The following IL2RA variants were observed in gnomAD, a reference collection of about 807,000 sequenced individuals.
IL2RA encodes the protein interleukin-2 receptor subunit alpha.
IL2RA carries 24 observed loss-of-function variants against 37.8 expected under a neutral mutation model. The observed-to-expected ratio is 0.63, with a 90% CI of 0.46 to 0.89. The LOEUF (loss-of-function observed/expected upper bound fraction) is 0.89. IL2RA is among the 40% of genes least tolerant of loss of function. The pLI is 0.00. For missense variants in IL2RA, 319 were observed against 348.6 expected (o/e 0.92, Z 0.68); for synonymous variants, 125 against 114.6 (o/e 1.09, Z -0.58).
Position 6,047,540 on chromosome 10 carries a change from C to T in IL2RA, c.64+14548G>A, listed in dbSNP as rs1387294452. On this transcript the variant is annotated intron_variant, in intron 1 of 7. Transcript: ENST00000379959. This position sits in a 1 kb window ranked among gnomAD's most constrained non-coding sequence, Gnocchi z 5.0. ...TGCCGAACACACAGGAGAGCTCACA[C>T]GCACAAATGTTCTCGGCTTCCCAGA... Among the ~76,000 whole-genome samples, 2 of 152,196 alleles carry T rather than the reference C, an allele frequency of 1.3e-5. No homozygotes were observed. Among genetic ancestry groups the T allele is most frequent in the South Asian group, 2.1e-4 (1 of 4,828 alleles).
At chr10:6,061,187 A>C (rs1161683040) in intron 1 of IL2RA, among the ~76,000 whole-genome samples, 1 of 152,146 alleles carries the variant, frequency 6.6e-6, no homozygotes, top group Admixed American at 6.6e-5. Flanking sequence ...CCAGGAGTTC[A>C]AGACCAGCTT....
At position 6,054,651 on chromosome 10, in the gene IL2RA, A is replaced by G. The variant is rs1425518679; in HGVS notation, c.64+7437T>C. 2.0e-5 allele frequency among the ~76,000 whole-genome samples: 3 copies of G among 151,822 alleles called. No individual in the cohort carries two copies. The highest frequency in any genetic ancestry group is 2.1e-4 in the South Asian group (1 of 4,796). On this transcript the variant is annotated intron_variant, in intron 1 of 7. Coordinates refer to ENST00000379959, the MANE Select transcript of IL2RA (RefSeq NM_000417.3). This position sits in a 1 kb window ranked among gnomAD's most constrained non-coding sequence, Gnocchi z 4.5. ...TCATGGAACACGGTCCATGTACACG[A>G]CTCCAGCAGCATCACTAGAAAACAC... is the stretch of plus-strand genomic sequence containing the variant.
intron 1 of IL2RA, among the ~76,000 whole-genome samples, chr10:6,032,972 G>T (rs895904823): frequency 6.6e-6 from 1 of 152,144 alleles, no homozygotes; most frequent in Admixed American, 6.5e-5. Flanking sequence ...GGGAAATGGA[G>T]GAAATGGATA....
intron 1 of IL2RA, among the ~76,000 whole-genome samples, chr10:6,031,742 G>T (rs1171861729): frequency 6.6e-6 from 1 of 151,604 alleles, no homozygotes; most frequent in Non-Finnish European, 1.5e-5. Flanking sequence ...TATCTTTATA[G>T]ATTGTAACAT....
chr10:6,013,982 C>T (rs1839235313), intron 7 of IL2RA, among the ~76,000 whole-genome samples: 1 of 151,960 alleles, frequency 6.6e-6, no homozygotes, highest in African/African-American at 2.4e-5. Flanking sequence ...CAGGTATGTG[C>T]CACCTCGCCT....
At position 6,011,513 on chromosome 10, in the gene IL2RA, A is replaced by T. The variant is rs1437627148; in HGVS notation, c.*1359T>A. Reference sequence around the variant, plus strand: ...TGATTCTAATATGCTGAACTTTTTGATAATGTTCAAGGACTGCTGGTATGC... The same window carrying T: ...TGATTCTAATATGCTGAACTTTTTGTTAATGTTCAAGGACTGCTGGTATGC... On this transcript the variant is annotated 3_prime_UTR_variant, in exon 8 of 8. Transcript: ENST00000379959. The surrounding 1 kb of genome is among the most constrained non-coding windows in gnomAD (Gnocchi z 5.2). 1.3e-5 allele frequency: 2 copies of T among 152,188 alleles called. No individual in the cohort carries two copies. The highest frequency in any genetic ancestry group is 1.3e-4 in the Admixed American group (2 of 15,274). The allele number at this position is 152,188 out of a possible 1,614,324, so 9.4% of individuals were successfully genotyped here. A position where few individuals can be genotyped will look rare whatever the true frequency, so the allele number is the denominator to read the frequency against.
rs1030806208 is a variant in IL2RA, at chr10:6,020,379, C to T, written c.584-438G>A. Among the ~76,000 whole-genome samples, 10 of 152,164 alleles carry T rather than the reference C, an allele frequency of 6.6e-5. No homozygotes were observed. The highest frequency in any genetic ancestry group is 1.5e-4 in the Non-Finnish European group (10 of 68,014). Reference sequence around the variant, plus strand: ...ACCCTGGCTCTGCCCTGCCTCTCACCCTCTTCCAAGGAAGCAGCAAGCATT... The same window carrying T: ...ACCCTGGCTCTGCCCTGCCTCTCACTCTCTTCCAAGGAAGCAGCAAGCATT... On this transcript the variant is annotated intron_variant, in intron 4 of 7. Transcript: ENST00000379959. The surrounding 1 kb of genome is among the most constrained non-coding windows in gnomAD (Gnocchi z 5.6).
At position 6,021,005 on chromosome 10, in the gene IL2RA, T is replaced by C. The variant is rs533116666; in HGVS notation, c.583+473A>G. ...ACTCTGCACATTTTATGTTTATTTT[T>C]ACAAGCTCAGCTGGGGAATGGCACA... On this transcript the variant is annotated intron_variant, in intron 4 of 7. Coordinates refer to ENST00000379959, the MANE Select transcript of IL2RA (RefSeq NM_000417.3). This position sits in a 1 kb window ranked among gnomAD's most constrained non-coding sequence, Gnocchi z 4.9. Among the ~76,000 whole-genome samples the C allele has an allele frequency of 2.6e-5, 4 of 152,122 alleles. No homozygotes were observed. Among genetic ancestry groups the C allele is most frequent in the Non-Finnish European group, 5.9e-5 (4 of 68,030 alleles).
rs957146016 is a variant in IL2RA, at chr10:6,047,555, G to T, written c.64+14533C>A. On this transcript the variant is annotated intron_variant, in intron 1 of 7. Coordinates refer to ENST00000379959, the MANE Select transcript of IL2RA (RefSeq NM_000417.3). This position sits in a 1 kb window ranked among gnomAD's most constrained non-coding sequence, Gnocchi z 5.0. ...AGAGCTCACACGCACAAATGTTCTC[G>T]GCTTCCCAGACACCAATGAAGGAGC... Among the ~76,000 whole-genome samples the T allele has an allele frequency of 6.6e-6, 1 of 151,920 alleles. No individual in the cohort carries two copies. The highest frequency in any genetic ancestry group is 1.5e-5 in the Non-Finnish European group (1 of 68,002).
intron 1 of IL2RA, among the ~76,000 whole-genome samples, chr10:6,045,793 A>G (rs1193470362): frequency 6.6e-6 from 1 of 152,182 alleles, no homozygotes; most frequent in Non-Finnish European, 1.5e-5. Context: ...GAAATTTTCA[A>G]CTCAACGGAA....
chr10:6,060,492 C>T (rs1840106912), intron 1 of IL2RA, among the ~76,000 whole-genome samples: 1 of 152,200 alleles, frequency 6.6e-6, no homozygotes, highest in Admixed American at 6.5e-5. Flanking sequence ...CGCGATGGCT[C>T]ACACCTGTAA....
At chr10:6,041,266 G>C (rs768263055) in intron 1 of IL2RA, among the ~76,000 whole-genome samples, 1 of 151,874 alleles carries the variant, frequency 6.6e-6, no homozygotes, top group East Asian at 1.9e-4. Flanking sequence ...AGGCGCCCAC[G>C]ATCACGCCCA....
intron 1 of IL2RA, among the ~76,000 whole-genome samples, chr10:6,053,794 T>G (rs1325286696): frequency 6.6e-6 from 1 of 152,252 alleles, no homozygotes; most frequent in Non-Finnish European, 1.5e-5. Flanking sequence ...TGCACCTGGC[T>G]GCAGCTTCCT....
rs766245085 is a variant in IL2RA, at chr10:6,048,445, G to A, written c.64+13643C>T. Among the ~76,000 whole-genome samples, 4 of 152,204 alleles carry A rather than the reference G, an allele frequency of 2.6e-5. No individual in the cohort carries two copies. Among genetic ancestry groups the A allele is most frequent in the South Asian group, 2.1e-4 (1 of 4,834 alleles). ...TGAGCAGCCTGTGAGGCATCCACAC[G>A]GAAAGGTCCGAGGGAAGGGCCTTTG... On this transcript the variant is annotated intron_variant, in intron 1 of 7. Coordinates refer to ENST00000379959, the MANE Select transcript of IL2RA (RefSeq NM_000417.3). This position sits in a 1 kb window ranked among gnomAD's most constrained non-coding sequence, Gnocchi z 5.3.
chr10:6,038,042 A>G (rs1839718392), intron 1 of IL2RA, among the ~76,000 whole-genome samples: 1 of 152,196 alleles, frequency 6.6e-6, no homozygotes, highest in Non-Finnish European at 1.5e-5. Context: ...GGTATCATAG[A>G]ATATGAGAAC....
rs7914699 is a variant in IL2RA at position 6,033,185 on chromosome 10, C to G, written c.65-7160G>C. Among the ~76,000 whole-genome samples, 2 of 151,922 alleles carry G rather than the reference C, an allele frequency of 1.3e-5. No individual in the cohort carries two copies. The highest frequency in any genetic ancestry group is 4.8e-5 in the African/African-American group (2 of 41,338). On this transcript the variant is annotated intron_variant, in intron 1 of 7. Transcript: ENST00000379959. The surrounding 1 kb of genome is among the most constrained non-coding windows in gnomAD (Gnocchi z 4.3). ...TTAAGTCAGGAGTTTGAGACCAGCC[C>G]GGTCAACATGGCGAAACCCTTTCTC...
At chr10:6,037,933 G>T (rs1429456307) in intron 1 of IL2RA, among the ~76,000 whole-genome samples, 1 of 152,124 alleles carries the variant, frequency 6.6e-6, no homozygotes, top group Non-Finnish European at 1.5e-5. Context: ...AATATTGAAG[G>T]TTGTCTCTCG....
At chr10:6,060,680 C>A (rs1021447421) in intron 1 of IL2RA, among the ~76,000 whole-genome samples, 8 of 152,054 alleles carry the variant, frequency 5.3e-5, no homozygotes, top group Non-Finnish European at 1.0e-4. Flanking sequence ...TTACTTGAGC[C>A]CATGAGGTGG....
chr10:6,018,821 G>T lies in IL2RA; in HGVS notation c.727+607C>A, dbSNP rs1839322927. 6.6e-6 allele frequency among the ~76,000 whole-genome samples: 1 copy of T among 152,106 alleles called. No individual in the cohort carries two copies. Among genetic ancestry groups the T allele is most frequent in the Non-Finnish European group, 1.5e-5 (1 of 68,012 alleles). On this transcript the variant is annotated intron_variant, in intron 6 of 7. Transcript: ENST00000379959. The surrounding 1 kb of genome is among the most constrained non-coding windows in gnomAD (Gnocchi z 5.1). ...ACACATTCTGCAGTGTAAGGAAGGG[G>T]TCCTTTCAGTCAACCAACCAACCTA...
Sources: gnomAD v4.1 joint callset for allele counts (sites outside exome capture counted in the v4.1 genomes callset) on GRCh38, gnomAD v4.1.1 for gene constraint, Gnocchi (gnomAD v3.1) non-coding constraint, MANE v1.5 for transcripts, NCBI Gene and HGNC (gene_info 2026-07-23, HGNC 2026-07-21) for gene names.